CRTC1: variants seen among roughly 807,000 people sequenced by gnomAD.
CRTC1 encodes CREB-regulated transcription coactivator 1.
Under a neutral mutation model 66.1 loss-of-function variants are expected in CRTC1, and 18 were observed. That is an observed-to-expected ratio of 0.27 (90% CI 0.19 to 0.40). The LOEUF is 0.40. CRTC1 is among the 10% of genes least tolerant of loss of function. CRTC1 has a pLI of 1.00. For synonymous variants in CRTC1, 416 were observed against 398.8 expected (o/e 1.04, Z -0.51); for missense variants, 669 against 887.9 (o/e 0.75, Z 3.13).
At chr19:18,767,732 A>T (rs557125694) in intron 9 of CRTC1, among the ~76,000 whole-genome samples, 6 of 152,312 alleles carry the variant, frequency 3.9e-5, no homozygotes, top group Admixed American at 6.5e-5. Context: ...GGCTGTCTTA[A>T]TCTGACACCT....
intron 6 of CRTC1, among the ~76,000 whole-genome samples, chr19:18,758,050 AAAATT>A (rs1321500580): frequency 4.0e-5 from 6 of 150,720 alleles, no homozygotes; most frequent in East Asian, 4.0e-4. Flanking sequence ...AATTAAAACT[AAAATT>A]AAACATTTTT....
intron 8 of CRTC1, 114 bp from the exon 9 acceptor site, chr19:18,765,290 C>T (rs897990147): frequency 2.1e-6 from 3 of 1,433,680 alleles, no homozygotes; most frequent in Non-Finnish European, 2.8e-6. Flanking sequence ...TGTCCATGGG[C>T]TTCTGTCTGA....
chr19:18,746,141 G>A (rs1199726973), intron 3 of CRTC1, among the ~76,000 whole-genome samples, 181 bp downstream of exon 3: 1 of 152,212 alleles, frequency 6.6e-6, no homozygotes, highest in Admixed American at 6.5e-5. Context: ...GGAGGAGGCT[G>A]TGCCACAAGC....
chr19:18,775,876 G>A lies in CRTC1; in HGVS notation c.1693+55G>A, dbSNP rs868278491. ...CGCCCCAAGGGGCCTCAGCCCGTGC[G>A]GAGACAGCCAGAGACTGCTGTCCCG... is the stretch of plus-strand genomic sequence containing the variant. On this transcript the variant is annotated intron_variant, in intron 13 of 13. Coordinates refer to ENST00000321949, the MANE Select transcript of CRTC1 (RefSeq NM_015321.3). 694 of 1,498,134 alleles carry A rather than the reference G, an allele frequency of 4.6e-4. 3 individuals carry two copies. Among genetic ancestry groups the A allele is most frequent in the Middle Eastern group, 1.6e-3 (7 of 4,320 alleles). 92.8% of individuals were successfully genotyped at this position (1,498,134 alleles called of 1,614,324 possible).
chr19:18,756,591 G>A (rs1208209414), intron 6 of CRTC1, among the ~76,000 whole-genome samples: 3 of 149,564 alleles, frequency 2.0e-5, no homozygotes, highest in Non-Finnish European at 4.4e-5. Context: ...TCCAGCCTGG[G>A]CAACAGAGCA....
chr19:18,757,347 C>A (rs1439497768), intron 6 of CRTC1, among the ~76,000 whole-genome samples: 1 of 152,056 alleles, frequency 6.6e-6, no homozygotes, highest in Non-Finnish European at 1.5e-5. Context: ...TGTTAGTGCC[C>A]CCAACTCACA....
At chr19:18,751,599 G>C (rs1286764995) in intron 5 of CRTC1, among the ~76,000 whole-genome samples, 2 of 152,170 alleles carry the variant, frequency 1.3e-5, no homozygotes, top group Non-Finnish European at 2.9e-5. Flanking sequence ...GCACTTTCAG[G>C]CCCGGCTGGT....
Position 18,775,724 on chromosome 19 carries a change from G to T in CRTC1, c.1596G>T (p.Ala532=), listed in dbSNP as rs761250026. ...SPGSTLNYSQ[A]AMMGLTGSHG... is the part of the protein sequence containing the mutation. The stretch of plus-strand genomic sequence containing the variant: ...GCTCCACACTCAACTACTCGCAGGC[G>T]GCCATGATGGGCCTCACGGGCAGCC... Residue 532 remains alanine (A), a synonymous_variant, in exon 13 of 14, where the codon GCG becomes GCT. Transcript: ENST00000321949. 6.2e-7 allele frequency: 1 copy of T among 1,612,654 alleles called. No homozygotes were observed. The highest frequency in any genetic ancestry group is 2.2e-5 in the East Asian group (1 of 44,866).
chr19:18,690,991 G>T (rs540160688), intron 1 of CRTC1, among the ~76,000 whole-genome samples: 2 of 147,234 alleles, frequency 1.4e-5, no homozygotes, highest in African/African-American at 5.0e-5. Flanking sequence ...ACGCCACTAC[G>T]CTCGAGCATG....
Position 18,777,522 on chromosome 19 carries a change from C to T in CRTC1, c.*140C>T, listed in dbSNP as rs554207711. Reference sequence around the variant, plus strand: ...CCGCCAAGCGCCCCCCGCCAGCCCGCCCCCGGTTGTCCACCTCCCGCGAAG... The same window carrying T: ...CCGCCAAGCGCCCCCCGCCAGCCCGTCCCCGGTTGTCCACCTCCCGCGAAG... On this transcript the variant is annotated 3_prime_UTR_variant, in exon 14 of 14. Coordinates refer to ENST00000321949, the MANE Select transcript of CRTC1 (RefSeq NM_015321.3). The surrounding 1 kb of genome is among the most constrained non-coding windows in gnomAD (Gnocchi z 5.5). 4.1e-4 allele frequency: 327 copies of T among 802,128 alleles called. No homozygotes were observed. The East Asian group carries it at 8.1e-3, about 20-fold the overall frequency. The allele number at this position is 802,128 out of a possible 1,614,324, so 49.7% of individuals were successfully genotyped here. A position where few individuals can be genotyped will look rare whatever the true frequency, so the allele number is the denominator to read the frequency against.
chr19:18,728,381 G>C (rs1285978196), intron 1 of CRTC1, among the ~76,000 whole-genome samples: 1 of 152,180 alleles, frequency 6.6e-6, no homozygotes. Context: ...AGCAAAACCA[G>C]GACAATGGGC....
intron 1 of CRTC1, among the ~76,000 whole-genome samples, chr19:18,712,615 T>C (rs192677692): frequency 5.7e-4 from 87 of 152,292 alleles, no homozygotes; most frequent in Admixed American, 5.2e-4. Flanking sequence ...TTCTCAATAT[T>C]GTACAGTGAA....
intron 3 of CRTC1, 45 bp downstream of exon 3, chr19:18,746,005 G>A (rs377085918): frequency 2.9e-4 from 460 of 1,562,798 alleles, no homozygotes; most frequent in Non-Finnish European, 3.7e-4. Flanking sequence ...AGGCCCTGTC[G>A]GTGCCGGCAG....
chr19:18,700,406 G>A (rs1600776908), intron 1 of CRTC1, among the ~76,000 whole-genome samples: 1 of 152,236 alleles, frequency 6.6e-6, no homozygotes, highest in Admixed American at 6.5e-5. Flanking sequence ...TCTCGGCAAG[G>A]GGGCGAAGCC....
chr19:18,711,137 T>G (rs973029396), intron 1 of CRTC1, among the ~76,000 whole-genome samples: 2 of 152,200 alleles, frequency 1.3e-5, no homozygotes, highest in Non-Finnish European at 2.9e-5. Context: ...CCAGCTTTGC[T>G]TGGCCACATG....
intron 1 of CRTC1, among the ~76,000 whole-genome samples, chr19:18,701,802 G>A (rs900898132): frequency 7.9e-5 from 12 of 151,400 alleles, no homozygotes; most frequent in African/African-American, 2.9e-4. Context: ...ATTTTTAGTA[G>A]AGACGGGGTT....
chr19:18,737,628 T>C (rs1292547255), intron 1 of CRTC1, among the ~76,000 whole-genome samples: 1 of 152,008 alleles, frequency 6.6e-6, no homozygotes, highest in African/African-American at 2.4e-5. Flanking sequence ...GACCTTACAG[T>C]TGACTCTTGA....
chr19:18,685,668 A>G (rs1378015799), intron 1 of CRTC1, among the ~76,000 whole-genome samples: 2 of 152,134 alleles, frequency 1.3e-5, no homozygotes, highest in Non-Finnish European at 2.9e-5. Context: ...AAAAAAAGAA[A>G]ATAAGAAGAA....
intron 9 of CRTC1, among the ~76,000 whole-genome samples, chr19:18,767,402 T>C (rs1443570616): frequency 6.6e-6 from 1 of 152,146 alleles, no homozygotes; most frequent in African/African-American, 2.4e-5. Flanking sequence ...TTTCGTCTTG[T>C]TGACCAGGCT....
Sources: allele counts gnomAD v4.1 joint callset (sites outside exome capture counted in the v4.1 genomes callset), GRCh38; gene constraint gnomAD v4.1.1; non-coding constraint Gnocchi (gnomAD v3.1); transcripts MANE v1.5; gene names NCBI Gene and HGNC (gene_info 2026-07-23, HGNC 2026-07-21).